Variants in PIK3C3 observed in about 807,000 individuals in gnomAD.
The protein encoded by PIK3C3 is phosphatidylinositol 3-kinase catalytic subunit type 3.
In PIK3C3, 95 loss-of-function variants were observed where a neutral mutation model predicts 126.1. The ratio of observed to expected loss-of-function variants is 0.75; its 90% CI spans 0.64 to 0.89. PIK3C3 has a LOEUF of 0.89. Ranked by LOEUF, PIK3C3 falls within the 40% of genes least tolerant of loss-of-function variation. The probability of loss-of-function intolerance (pLI) is 0.00; values close to 1 mark genes in which losing one functional copy is unlikely to be tolerated. For synonymous variants in PIK3C3, 374 were observed against 360.0 expected, an observed-to-expected ratio of 1.04 and a Z score of -0.44; for missense variants, 829 against 1,063.2, an observed-to-expected ratio of 0.78 and a Z score of 3.06.
In PIK3C3 at chr18:41,995,934, A is replaced by G. The variant is rs1396791788; in HGVS notation, c.831A>G (p.Leu277=). 1 of 1,613,250 alleles carries G rather than the reference A, an allele frequency of 6.2e-7. No individual in the cohort carries two copies. Among genetic ancestry groups the G allele is most frequent in the Non-Finnish European group, 8.5e-7 (1 of 1,179,378 alleles). ...ESKHHKLARS[L]RSGPSDHDLK... ...AACACCACAAGCTTGCCCGGAGTTT[A>G]AGAAGTGGACCTTCTGACCACGATC... is the stretch of plus-strand genomic sequence containing the variant. The change falls in exon 8 of 25, where the codon TTA becomes TTG. Residue 277 remains leucine (L), a synonymous_variant. Coordinates refer to ENST00000262039, the MANE Select transcript of PIK3C3 (RefSeq NM_002647.4).
Position 41,962,618 on chromosome 18 carries a change from C to T in PIK3C3, c.387C>T (p.Leu129=). The change falls in exon 3 of 25, where the codon CTC becomes CTT. Residue 129 remains leucine (L), a synonymous_variant. Coordinates refer to ENST00000262039, the MANE Select transcript of PIK3C3 (RefSeq NM_002647.4). ...CTGTAGGAGGAACAACGGTTTCGCTCTTTGGAAAATACGGGTAAGCATTCT... is the reference window on the plus strand; with the variant it reads ...CTGTAGGAGGAACAACGGTTTCGCTTTTTGGAAAATACGGGTAAGCATTCT... ...AVPVGGTTVS[L]FGKYGMFRQG... 2 of 1,610,712 alleles carry T rather than the reference C, an allele frequency of 1.2e-6. No individual in the cohort carries two copies. The highest frequency in any genetic ancestry group is 1.7e-6 in the Non-Finnish European group (2 of 1,177,958).
At chr18:42,025,080 G>A (rs1983503080) in intron 13 of PIK3C3, among the ~76,000 whole-genome samples, 1 of 152,054 alleles carries the variant, frequency 6.6e-6, no homozygotes, top group South Asian at 2.1e-4. Flanking sequence ...CCAAAGTGCT[G>A]GGATTACAGG....
At chr18:42,017,084 T>C (rs902451138) in intron 12 of PIK3C3, among the ~76,000 whole-genome samples, 1 of 152,124 alleles carries the variant, frequency 6.6e-6, no homozygotes, top group East Asian at 1.9e-4. Context: ...AGGGTTCAGG[T>C]ATCCAGAAAA....
At chr18:41,975,135 C>T (rs143888446) in intron 4 of PIK3C3, among the ~76,000 whole-genome samples, 375 of 152,304 alleles carry the variant, frequency 2.5e-3, no homozygotes, top group Middle Eastern at 6.8e-3. Context: ...CAGGCTGAAC[C>T]ACAGAGTGCC....
At chr18:42,015,327 C>CT in intron 11 of PIK3C3, 149 bp from the exon 12 acceptor site, 1 of 606,668 alleles carries the variant, frequency 1.6e-6, no homozygotes, top group South Asian at 2.2e-5. Flanking sequence ...TTCCAGAGTA[C>CT]AATGTGACTC....
chr18:42,019,709 G>C (rs972999530), intron 12 of PIK3C3, among the ~76,000 whole-genome samples: 1 of 152,074 alleles, frequency 6.6e-6, no homozygotes, highest in African/African-American at 2.4e-5. Context: ...TTCTAGCTCA[G>C]ATCTTTCACC....
chr18:42,067,965 T>G lies in PIK3C3; in HGVS notation c.2649+452T>G, dbSNP rs180873419. Among the ~76,000 whole-genome samples, 417 of 152,336 alleles carry G rather than the reference T, an allele frequency of 2.7e-3. 1 individual carries two copies. The highest frequency in any genetic ancestry group is 9.6e-3 in the African/African-American group (400 of 41,572). ...CCACAGATAAGTGAGGGATTACCCC[T>G]TTATGGTAAACTTCAGATTTAAAAC... On this transcript the variant is annotated intron_variant, in intron 24 of 24. Coordinates refer to ENST00000262039, the MANE Select transcript of PIK3C3 (RefSeq NM_002647.4).
intron 4 of PIK3C3, among the ~76,000 whole-genome samples, chr18:41,978,011 G>T (rs956956097): frequency 6.6e-6 from 1 of 152,154 alleles, no homozygotes; most frequent in Non-Finnish European, 1.5e-5. Flanking sequence ...TCCCAGGCTG[G>T]AGTGCAGTGG....
intron 24 of PIK3C3, among the ~76,000 whole-genome samples, chr18:42,071,941 C>T (rs564269705): frequency 5.5e-4 from 83 of 152,120 alleles, no homozygotes; most frequent in Non-Finnish European, 1.1e-3. Flanking sequence ...TGTTTAGGCA[C>T]TGAAGCATAC....
chr18:42,002,724 A>T (rs1245379679), intron 9 of PIK3C3, among the ~76,000 whole-genome samples: 1 of 152,188 alleles, frequency 6.6e-6, no homozygotes, highest in Non-Finnish European at 1.5e-5. Flanking sequence ...TGCTAAGATC[A>T]CTTCCAACTT....
chr18:42,041,605 G>C (rs2469471), intron 19 of PIK3C3, among the ~76,000 whole-genome samples: 2 of 148,970 alleles, frequency 1.3e-5, no homozygotes, highest in South Asian at 4.2e-4. Flanking sequence ...AAAAAAAAAG[G>C]TATGTAATTA....
intron 8 of PIK3C3, 97 bp from the exon 9 acceptor site, chr18:41,996,541 T>C: frequency 1.8e-6 from 1 of 541,018 alleles, no homozygotes; most frequent in Non-Finnish European, 3.2e-6. Flanking sequence ...AATTGTAGTA[T>C]AGAATTATTT....
chr18:42,079,946 AGTGTGTGTGTGTGTGT>A (rs6146278), intron 24 of PIK3C3, among the ~76,000 whole-genome samples: 26 of 137,236 alleles, frequency 1.9e-4, no homozygotes, highest in Admixed American at 5.8e-4. Flanking sequence ...CCAACTTTTG[AGTGTGTGTGTGTGTGT>A]GTGTGTGTGT....
rs1555640562 is a variant in PIK3C3, at chr18:42,057,065, C to CCCG, written c.2264-816_2264-815insGCC. ...TTCTTTTAATAGAAATGAACCCCCC[C>CCCG]CCCCGTGTTGACATTTTATGATCTT... On this transcript the variant is annotated intron_variant, in intron 21 of 24. Transcript: ENST00000262039. Among the ~76,000 whole-genome samples, 1,342 of 142,488 alleles carry CCCG rather than the reference C, an allele frequency of 9.4e-3. 33 individuals carry two copies. Among genetic ancestry groups the CCCG allele is most frequent in the African/African-American group, 0.031 (1,209 of 38,916 alleles). The allele number at this position is 142,488 out of a possible 152,430, so 93.5% of individuals were successfully genotyped here. A position where few individuals can be genotyped will look rare whatever the true frequency, so the allele number is the denominator to read the frequency against.
At chr18:41,961,199 T>G (rs1025211991) in intron 2 of PIK3C3, among the ~76,000 whole-genome samples, 4 of 152,164 alleles carry the variant, frequency 2.6e-5, no homozygotes, top group Non-Finnish European at 4.4e-5. Context: ...TTCCACAATA[T>G]TATCCAAAAA....
At chr18:42,066,937 A>T (rs1215758608) in intron 23 of PIK3C3, among the ~76,000 whole-genome samples, 3 of 152,100 alleles carry the variant, frequency 2.0e-5, no homozygotes, top group African/African-American at 7.2e-5. Context: ...ATAGACACTG[A>T]AGGTATGGGA....
At chr18:42,068,732 C>T (rs1428438432) in intron 24 of PIK3C3, among the ~76,000 whole-genome samples, 4 of 152,006 alleles carry the variant, frequency 2.6e-5, no homozygotes, top group South Asian at 2.1e-4. Flanking sequence ...GGGTGTATCA[C>T]GAGATCAGGA....
chr18:41,968,615 A>T (rs1372362458), intron 3 of PIK3C3, among the ~76,000 whole-genome samples: 1 of 152,132 alleles, frequency 6.6e-6, no homozygotes, highest in Non-Finnish European at 1.5e-5. Flanking sequence ...TATTGTGCTC[A>T]TGAGTTTGTA....
At chr18:42,011,205 T>G (rs1264511919) in intron 10 of PIK3C3, among the ~76,000 whole-genome samples, 2 of 152,198 alleles carry the variant, frequency 1.3e-5, no homozygotes, top group African/African-American at 4.8e-5. Context: ...GGCTTCAACT[T>G]AAAGTCACTG....
Sources: gnomAD v4.1 joint callset for allele counts (sites outside exome capture counted in the v4.1 genomes callset) on GRCh38, gnomAD v4.1.1 for gene constraint, MANE v1.5 for transcripts, NCBI Gene and HGNC (gene_info 2026-07-23, HGNC 2026-07-21) for gene names.